The following PCDH7 variants were observed in gnomAD, a reference collection of about 807,000 sequenced individuals.
PCDH7 encodes the protein protocadherin-7.
A neutral mutation model predicts 58.9 loss-of-function variants in PCDH7; 17 were observed. That is an observed-to-expected ratio of 0.29 (90% CI 0.20 to 0.43). The LOEUF (loss-of-function observed/expected upper bound fraction) is 0.43, where lower values mean the gene tolerates loss of function less well. Ranked by LOEUF, PCDH7 falls within the 20% of genes least tolerant of loss-of-function variation. PCDH7 has a pLI of 1.00. For missense variants in PCDH7, 1,274 were observed against 1,441.0 expected (o/e 0.88, Z 1.88); for synonymous variants, 664 against 616.4 (o/e 1.08, Z -1.14).
chr4:31,012,512 A>C (rs1260162488), intron 3 of PCDH7, among the ~76,000 whole-genome samples: 3 of 150,500 alleles, frequency 2.0e-5, no homozygotes, highest in African/African-American at 7.3e-5. Context: ...CAAGGTACTC[A>C]ATACATTTTG....
chr4:30,738,811 ATTC>A (rs1441978970), intron 1 of PCDH7, among the ~76,000 whole-genome samples: 1 of 152,078 alleles, frequency 6.6e-6, no homozygotes, highest in Non-Finnish European at 1.5e-5. Context: ...TAGTCTTAAT[ATTC>A]TTCTTATGAA....
In PCDH7 at chr4:30,819,289, C is replaced by A. The variant is rs543411947; in HGVS notation, c.70+94693C>A. On this transcript the variant is annotated intron_variant, in intron 1 of 3. Transcript: ENST00000509759. The stretch of plus-strand genomic sequence containing the variant: ...AACCTAGGCCTGGCTCTCTGTGTTG[C>A]TGCATTGAAATTAGAGATTTCACTG... 3.0e-3 allele frequency among the ~76,000 whole-genome samples: 463 copies of A among 152,232 alleles called. 3 individuals are homozygous for A. The highest frequency in any genetic ancestry group is 6.8e-3 in the Middle Eastern group (2 of 294).
At chr4:30,871,730 T>C (rs1238520338) in intron 1 of PCDH7, among the ~76,000 whole-genome samples, 2 of 151,934 alleles carry the variant, frequency 1.3e-5, no homozygotes, top group African/African-American at 4.8e-5. Context: ...CACAAAATAA[T>C]AGAAATATAG....
In PCDH7 at chr4:30,824,095, C is replaced by CTTTCT. The variant is rs780686809; in HGVS notation, c.71-96055_71-96051dup. ...CGGGGTTTCTTTTCTTTCTTTCTTT[C>CTTTCT]TTTCTTTCTTTCTTTCTTTCTTTCT... On this transcript the variant is annotated intron_variant, in intron 1 of 3. Coordinates refer to the PCDH7 transcript ENST00000509759. 4.6e-3 allele frequency among the ~76,000 whole-genome samples: 411 copies of CTTTCT among 90,126 alleles called. 6 individuals carry two copies. The highest frequency in any genetic ancestry group is 7.6e-3 in the Non-Finnish European group (341 of 44,816). 59.1% of individuals were successfully genotyped at this position (90,126 alleles called of 152,430 possible).
chr4:30,968,394 A>ATATATACACACAC (rs1749236042), intron 3 of PCDH7, among the ~76,000 whole-genome samples: 1 of 56,148 alleles, frequency 1.8e-5, no homozygotes, highest in African/African-American at 1.2e-4. Flanking sequence ...ATATATATAT[A>ATATATACACACAC]TATATATATA....
At chr4:30,868,796 G>A (rs1489675749) in intron 1 of PCDH7, among the ~76,000 whole-genome samples, 1 of 152,046 alleles carries the variant, frequency 6.6e-6, no homozygotes, top group Non-Finnish European at 1.5e-5. Flanking sequence ...AAAGTGTTGT[G>A]ATGCATCTGT....
chr4:30,749,305 A>G (rs1445877646), intron 1 of PCDH7, among the ~76,000 whole-genome samples: 1 of 152,198 alleles, frequency 6.6e-6, no homozygotes, highest in Non-Finnish European at 1.5e-5. Context: ...CATGGCACAC[A>G]TGGCTGACAT....
chr4:30,910,307 A>G (rs1342438175), intron 1 of PCDH7, among the ~76,000 whole-genome samples: 10 of 152,186 alleles, frequency 6.6e-5, no homozygotes, highest in African/African-American at 1.9e-4. Context: ...AATTGCAACA[A>G]AAGCCAAAAT....
In PCDH7 at chr4:30,794,687, G is replaced by A. The variant is rs1724563380; in HGVS notation, c.70+70091G>A. 2.0e-5 allele frequency among the ~76,000 whole-genome samples: 3 copies of A among 151,064 alleles called. No homozygotes were observed. The South Asian group carries it at 6.3e-4, about 32-fold the overall frequency. ...CAAAGGCTCACTTTTTTTTTAGTAG[G>A]GATTTTTGGCAAATGACATACAAAG... On this transcript the variant is annotated intron_variant, in intron 1 of 3. Coordinates refer to the PCDH7 transcript ENST00000509759.
At chr4:30,926,523 T>C (rs1743894690) in intron 2 of PCDH7, among the ~76,000 whole-genome samples, 1 of 152,214 alleles carries the variant, frequency 6.6e-6, no homozygotes, top group African/African-American at 2.4e-5. Flanking sequence ...GGCTTAGTCA[T>C]GAGGACTTCA....
intron 3 of PCDH7, among the ~76,000 whole-genome samples, chr4:30,994,105 T>C (rs150397668): frequency 2.6e-5 from 4 of 152,156 alleles, no homozygotes; most frequent in African/African-American, 7.2e-5. Flanking sequence ...ACTGCTTAGG[T>C]TGGAATAAAA....
intron 3 of PCDH7, among the ~76,000 whole-genome samples, chr4:31,030,440 A>G (rs1754807538): frequency 6.6e-6 from 1 of 152,222 alleles, no homozygotes; most frequent in African/African-American, 2.4e-5. Context: ...AGCTATAGAC[A>G]AAGAGGGAAA....
chr4:30,833,879 A>C (rs943946353), intron 1 of PCDH7, among the ~76,000 whole-genome samples: 3 of 152,226 alleles, frequency 2.0e-5, no homozygotes, highest in Non-Finnish European at 4.4e-5. Flanking sequence ...GAACATTCTG[A>C]ACACTTTGTA....
intron 1 of PCDH7, among the ~76,000 whole-genome samples, chr4:30,816,984 A>G (rs2109318254): frequency 6.6e-6 from 1 of 152,326 alleles, no homozygotes; most frequent in East Asian, 1.9e-4. Context: ...AAATTCAGCG[A>G]GCACATAGAG....
At chr4:31,023,721 T>C (rs567814121) in intron 3 of PCDH7, among the ~76,000 whole-genome samples, 43 of 152,312 alleles carry the variant, frequency 2.8e-4, no homozygotes, top group African/African-American at 7.9e-4. Context: ...GTTTAAAAAT[T>C]TTATTTTAGA....
chr4:30,722,282 C>G lies in PCDH7; in HGVS notation c.860C>G (p.Pro287Arg). The G allele has an allele frequency of 6.2e-7, 1 of 1,602,714 alleles. No homozygotes were observed. The highest frequency in any genetic ancestry group is 8.5e-7 in the Non-Finnish European group (1 of 1,175,728). Residue 287 changes from proline to arginine, a missense_variant, in exon 1 of 2, where the codon CCT becomes CGT. Coordinates refer to ENST00000361762, the Ensembl canonical transcript of PCDH7. This position sits in a 1 kb window ranked among gnomAD's most constrained non-coding sequence, Gnocchi z 7.6. ...CGAGTGCGCGACGGCGGCGACCCGC[C>G]TCGCTCCTCGCAGGCCATCCTACGG...
chr4:30,863,333 C>T (rs1040396912), intron 1 of PCDH7, among the ~76,000 whole-genome samples: 2 of 151,964 alleles, frequency 1.3e-5, no homozygotes, highest in African/African-American at 4.8e-5. Flanking sequence ...GTGATTTTGC[C>T]TCCAGGGAAA....
At chr4:30,765,125 C>CTTGTTTTTT (rs1720565772) in intron 1 of PCDH7, among the ~76,000 whole-genome samples, 1 of 49,198 alleles carries the variant, frequency 2.0e-5, no homozygotes, top group African/African-American at 7.5e-5. Flanking sequence ...ACTTCAGATG[C>CTTGTTTTTT]TTTTTTTTTT....
chr4:30,967,044 C>A (rs572438962), intron 3 of PCDH7, among the ~76,000 whole-genome samples: 1 of 152,030 alleles, frequency 6.6e-6, no homozygotes, highest in Admixed American at 6.6e-5. Context: ...TTTCTATGTG[C>A]TGGATATTTA....
Sources: gnomAD v4.1 joint callset for allele counts (sites outside exome capture counted in the v4.1 genomes callset) on GRCh38, gnomAD v4.1.1 for gene constraint, Gnocchi (gnomAD v3.1) non-coding constraint, MANE v1.5 for transcripts, NCBI Gene and HGNC (gene_info 2026-07-23, HGNC 2026-07-21) for gene names.